The following RFX8 variants were observed in gnomAD, a reference collection of about 807,000 sequenced individuals.
The protein encoded by RFX8 is DNA-binding protein RFX8.
RFX8 carries 46 observed loss-of-function variants against 54.6 expected under a neutral mutation model. That is an observed-to-expected ratio of 0.84 (90% CI 0.67 to 1.08). The LOEUF is 1.08. Among genes scored for constraint, RFX8 ranks in the 50% least tolerant of loss-of-function variants. The pLI is 0.00. For missense variants in RFX8, 536 were observed against 562.3 expected (o/e 0.95, Z 0.47); for synonymous variants, 192 against 209.5 (o/e 0.92, Z 0.72).
At chr2:101,446,813 G>A (rs898122040) in intron 2 of RFX8, among the ~76,000 whole-genome samples, 2 of 110,222 alleles carry the variant, frequency 1.8e-5, no homozygotes, top group Non-Finnish European at 3.8e-5. Context: ...GGGGGTGGGG[G>A]TGGGGGGGCA....
chr2:101,432,968 G>A (rs367970657), intron 2 of RFX8, among the ~76,000 whole-genome samples: 14 of 152,264 alleles, frequency 9.2e-5, no homozygotes, highest in East Asian at 5.8e-4. Context: ...CTGCTCCTCA[G>A]GGCCCAAGCC....
At chr2:101,474,155 C>G in intron 1 of RFX8, 2 of 599,492 alleles carry the variant, frequency 3.3e-6, no homozygotes, top group Non-Finnish European at 5.9e-6. Context: ...TTCCCCTCCC[C>G]GGCCCCACCT....
chr2:101,414,933 G>A (rs1686403141), intron 6 of RFX8, 21 bp from the exon 7 acceptor site: 1 of 1,531,844 alleles, frequency 6.5e-7, no homozygotes. Context: ...CAACACACGT[G>A]GCCATTAATA....
At position 101,413,039 on chromosome 2, in the gene RFX8, A is replaced by T. The variant is rs1196405801; in HGVS notation, c.594T>A (p.Arg198=). The T allele has an allele frequency of 1.3e-6, 2 of 1,552,026 alleles. No individual in the cohort carries two copies. Among genetic ancestry groups the T allele is most frequent in the African/African-American group, 2.7e-5 (2 of 73,040 alleles). The change falls in exon 8 of 12, where the codon CGT becomes CGA. Residue 198 remains arginine, a synonymous_variant. Transcript: ENST00000428343. ...GTAGATCTGACTTCAAAACGCTGACACGCCTCTTACTTTTCAATACCATTC... is the reference window on the plus strand; with the variant it reads ...GTAGATCTGACTTCAAAACGCTGACTCGCCTCTTACTTTTCAATACCATTC... ...TMRMVLKSKR[R]VSVLKSDLQA...
intron 4 of RFX8, among the ~76,000 whole-genome samples, chr2:101,419,289 G>C (rs1228214557): frequency 1.3e-5 from 2 of 152,212 alleles, no homozygotes; most frequent in Non-Finnish European, 2.9e-5. Context: ...ACAGGGCACA[G>C]CCCAGAGAGA....
intron 11 of RFX8, among the ~76,000 whole-genome samples, chr2:101,400,867 G>GT (rs1685401553): frequency 6.6e-6 from 1 of 152,162 alleles, no homozygotes. Flanking sequence ...CTGCCGCCAG[G>GT]TACAGCAGCA....
intron 11 of RFX8, 84 bp downstream of exon 11, chr2:101,402,352 A>T: frequency 8.6e-7 from 1 of 1,162,136 alleles, no homozygotes. Context: ...GTTTGGACAA[A>T]GTGATCTTGA....
At chr2:101,455,806 C>A (rs542812703) in intron 2 of RFX8, among the ~76,000 whole-genome samples, 1 of 152,150 alleles carries the variant, frequency 6.6e-6, no homozygotes, top group African/African-American at 2.4e-5. Context: ...TTACCTTGGG[C>A]AGTATGGCCA....
chr2:101,446,745 T>C (rs1688405718), intron 2 of RFX8, among the ~76,000 whole-genome samples: 1 of 141,390 alleles, frequency 7.1e-6, no homozygotes, highest in South Asian at 2.4e-4. Context: ...TTACTTGTTT[T>C]CCTGGAGCAT....
rs529992912 is a variant in RFX8, at chr2:101,400,534, T to C, written c.1245+1902A>G. 2.0e-5 allele frequency among the ~76,000 whole-genome samples: 3 copies of C among 152,298 alleles called. No individual in the cohort carries two copies. The East Asian group carries it at 5.8e-4, about 29-fold the overall frequency. On this transcript the variant is annotated intron_variant, in intron 11 of 11. Transcript: ENST00000428343. The stretch of plus-strand genomic sequence containing the variant: ...GCTATAAATTCTGCACCCGCCACCC[T>C]GTCCCTTCTGTACTCAGAGTTAAGC...
At chr2:101,427,846 G>T (rs1287664214) in intron 2 of RFX8, among the ~76,000 whole-genome samples, 3 of 152,172 alleles carry the variant, frequency 2.0e-5, no homozygotes, top group African/African-American at 7.2e-5. Context: ...TTTGTTTTTA[G>T]CGGTTCTTTC....
intron 2 of RFX8, among the ~76,000 whole-genome samples, chr2:101,424,913 G>A: frequency 6.6e-6 from 1 of 152,116 alleles, no homozygotes; most frequent in East Asian, 1.9e-4. Flanking sequence ...AATACCTAAT[G>A]TAAATGACGA....
chr2:101,398,539 A>G (rs923652299), intron 11 of RFX8, among the ~76,000 whole-genome samples: 2 of 152,062 alleles, frequency 1.3e-5, no homozygotes, highest in Non-Finnish European at 2.9e-5. Context: ...CATCCGTCAA[A>G]TAAACCACTA....
chr2:101,470,360 T>C (rs1307236892), intron 1 of RFX8, among the ~76,000 whole-genome samples: 1 of 152,142 alleles, frequency 6.6e-6, no homozygotes, highest in Non-Finnish European at 1.5e-5. Context: ...CTGCTGTAGG[T>C]GAGCCTGACT....
At chr2:101,406,907 A>G (rs1487252955) in intron 9 of RFX8, among the ~76,000 whole-genome samples, 1 of 152,212 alleles carries the variant, frequency 6.6e-6, no homozygotes, top group Non-Finnish European at 1.5e-5. Flanking sequence ...CCCTAAACCC[A>G]GTGGAACCAA....
chr2:101,472,820 C>T (rs1291533419), intron 1 of RFX8, among the ~76,000 whole-genome samples: 1 of 152,130 alleles, frequency 6.6e-6, no homozygotes. Flanking sequence ...GACTTCCAGA[C>T]CAGCCTGGCT....
At chr2:101,417,230 G>T (rs1282595931) in intron 6 of RFX8, among the ~76,000 whole-genome samples, 1 of 152,090 alleles carries the variant, frequency 6.6e-6, no homozygotes, top group Non-Finnish European at 1.5e-5. Context: ...TTAAAAACAG[G>T]GTCTTGCTCC....
chr2:101,410,256 A>G (rs1313355558), intron 9 of RFX8, among the ~76,000 whole-genome samples: 1 of 151,582 alleles, frequency 6.6e-6, no homozygotes, highest in African/African-American at 2.4e-5. Context: ...GCACACGCTC[A>G]TGCACACCCA....
intron 1 of RFX8, chr2:101,474,376 C>T: frequency 5.0e-6 from 2 of 397,280 alleles, no homozygotes; most frequent in Non-Finnish European, 8.9e-6. Flanking sequence ...TCGGTGTTTA[C>T]TTTAGAAAGG....
Sources: allele counts gnomAD v4.1 joint callset (sites outside exome capture counted in the v4.1 genomes callset), GRCh38; gene constraint gnomAD v4.1.1; transcripts MANE v1.5; gene names NCBI Gene and HGNC (gene_info 2026-07-23, HGNC 2026-07-21).